Variants in CHRM3 observed in about 807,000 individuals in gnomAD.
The protein encoded by CHRM3 is cholinergic receptor muscarinic 3, also known as muscarinic acetylcholine receptor M3.
Under a neutral mutation model 41.8 loss-of-function variants are expected in CHRM3, and 11 were observed. The observed-to-expected ratio is 0.26, with a 90% CI of 0.17 to 0.44. The LOEUF (loss-of-function observed/expected upper bound fraction) is 0.44. CHRM3 is among the 20% of genes least tolerant of loss of function. CHRM3 has a pLI of 1.00. For missense variants in CHRM3, 571 were observed against 745.4 expected, an observed-to-expected ratio of 0.77 and a Z score of 2.72; for synonymous variants, 297 against 301.4, an observed-to-expected ratio of 0.99 and a Z score of 0.15.
chr1:239,508,077 G>C (rs1437928148), intron 2 of CHRM3, among the ~76,000 whole-genome samples: 1 of 152,150 alleles, frequency 6.6e-6, no homozygotes, highest in South Asian at 2.1e-4. Context: ...CACCAGACAA[G>C]CTTCTCCTTT....
intron 3 of CHRM3, among the ~76,000 whole-genome samples, chr1:239,585,249 T>C (rs1663291681): frequency 6.6e-6 from 1 of 152,062 alleles, no homozygotes; most frequent in Non-Finnish European, 1.5e-5. Context: ...TCCTTTCTCT[T>C]GTGATTATAA....
intron 6 of CHRM3, among the ~76,000 whole-genome samples, chr1:239,873,775 A>G (rs1676798474): frequency 6.6e-6 from 1 of 152,106 alleles, no homozygotes; most frequent in Non-Finnish European, 1.5e-5. Context: ...CCCTGCTGCC[A>G]TACTTGCCTC....
chr1:239,485,619 T>C (rs968895684), intron 1 of CHRM3, among the ~76,000 whole-genome samples: 3 of 152,192 alleles, frequency 2.0e-5, no homozygotes, highest in Non-Finnish European at 4.4e-5. Context: ...AGGTTTTCAC[T>C]TGAAATCTCC....
chr1:239,684,964 A>G (rs1658994508), intron 5 of CHRM3, among the ~76,000 whole-genome samples: 1 of 152,156 alleles, frequency 6.6e-6, no homozygotes, highest in Non-Finnish European at 1.5e-5. Flanking sequence ...TAAACAAAAC[A>G]GAAACAAAAA....
rs896981057 is a variant in CHRM3, at chr1:239,430,183, G to A, written c.-521+42956G>A. 1.8e-4 allele frequency among the ~76,000 whole-genome samples: 28 copies of A among 151,854 alleles called. 2 individuals are homozygous for A. In the Middle Eastern group the frequency reaches 0.01, roughly 56 times the overall value. ...GGGTTTCACCATCTTGGCCAGGATGGTCTTGAACTCCTGACCTCGTGATCC... is the reference window on the plus strand; with the variant it reads ...GGGTTTCACCATCTTGGCCAGGATGATCTTGAACTCCTGACCTCGTGATCC... On this transcript the variant is annotated intron_variant, in intron 1 of 6. Coordinates refer to ENST00000676153, the MANE Select transcript of CHRM3 (RefSeq NM_001375978.1).
chr1:239,793,179 T>C (rs1669486590), intron 5 of CHRM3, among the ~76,000 whole-genome samples: 1 of 152,268 alleles, frequency 6.6e-6, no homozygotes, highest in Non-Finnish European at 1.5e-5. Context: ...GTAGCCATTC[T>C]AAAAGGTGTT....
intron 4 of CHRM3, among the ~76,000 whole-genome samples, chr1:239,669,890 C>T (rs758908852): frequency 6.6e-6 from 1 of 152,164 alleles, no homozygotes; most frequent in South Asian, 2.1e-4. Context: ...ATGGCCAACT[C>T]GTTTCTTTTA....
chr1:239,453,307 T>C (rs958396388), intron 1 of CHRM3, among the ~76,000 whole-genome samples: 1 of 152,234 alleles, frequency 6.6e-6, no homozygotes, highest in Non-Finnish European at 1.5e-5. Context: ...TTACAATGTT[T>C]ATCTATGCAA....
intron 5 of CHRM3, among the ~76,000 whole-genome samples, chr1:239,709,546 C>G (rs576372489): frequency 3.9e-4 from 59 of 152,220 alleles, no homozygotes; most frequent in African/African-American, 1.4e-3. Context: ...ACAGTGCTGC[C>G]TGTGTGGCAG....
chr1:239,540,615 T>C (rs1485235454), intron 2 of CHRM3, among the ~76,000 whole-genome samples: 1 of 152,188 alleles, frequency 6.6e-6, no homozygotes, highest in Non-Finnish European at 1.5e-5. Flanking sequence ...CTCAAAGAAA[T>C]TGAGGAACTT....
chr1:239,883,861 C>G (rs189120209), intron 6 of CHRM3, among the ~76,000 whole-genome samples: 19 of 152,364 alleles, frequency 1.2e-4, no homozygotes, highest in African/African-American at 4.6e-4. Flanking sequence ...ATCCCCTACT[C>G]TAATCTCTTG....
intron 3 of CHRM3, among the ~76,000 whole-genome samples, chr1:239,602,704 A>G (rs1449666556): frequency 2.0e-5 from 3 of 152,226 alleles, no homozygotes. Context: ...TTGAATTATC[A>G]GAAATGTTGC....
intron 1 of CHRM3, among the ~76,000 whole-genome samples, chr1:239,471,439 G>T (rs1666114194): frequency 6.6e-6 from 1 of 152,162 alleles, no homozygotes; most frequent in South Asian, 2.1e-4. Flanking sequence ...CTGGTCCATT[G>T]TTCCCCATGG....
chr1:239,684,750 G>GA (rs71871816), intron 5 of CHRM3, among the ~76,000 whole-genome samples: 1 of 111,370 alleles, frequency 9.0e-6, no homozygotes, highest in Non-Finnish European at 2.1e-5. Flanking sequence ...GAAAGAAAGA[G>GA]AAAGAAAGAA....
chr1:239,662,884 T>C (rs6675216), intron 4 of CHRM3, among the ~76,000 whole-genome samples: 15 of 119,586 alleles, frequency 1.3e-4, no homozygotes, highest in African/African-American at 3.3e-4. Context: ...CTTTCTCCTC[T>C]TCCTCCTCCT....
At chr1:239,721,406 G>A (rs1662957663) in intron 5 of CHRM3, among the ~76,000 whole-genome samples, 1 of 151,782 alleles carries the variant, frequency 6.6e-6, no homozygotes, top group South Asian at 2.1e-4. Context: ...GAAAATGATA[G>A]GCATGGTATT....
chr1:239,634,406 G>GAAAGAAAGAAAGAAAGAAAGA (rs1558401977), intron 4 of CHRM3, among the ~76,000 whole-genome samples: 2 of 80,266 alleles, frequency 2.5e-5, no homozygotes, highest in Admixed American at 1.4e-4. Flanking sequence ...AGAAAGAAAG[G>GAAAGAAAGAAAGAAAGAAAGA]AAAGAAAGAA....
At chr1:239,722,603 C>A (rs959040746) in intron 5 of CHRM3, among the ~76,000 whole-genome samples, 1 of 151,854 alleles carries the variant, frequency 6.6e-6, no homozygotes. Context: ...CTGAGCAATA[C>A]AAATGCATTT....
intron 3 of CHRM3, among the ~76,000 whole-genome samples, chr1:239,576,272 C>G (rs1004044091): frequency 5.3e-5 from 8 of 151,596 alleles, no homozygotes; most frequent in Non-Finnish European, 1.5e-5. Context: ...ACTCCCTACC[C>G]ACCCCCATCC....
Sources: gnomAD v4.1 joint callset for allele counts (sites outside exome capture counted in the v4.1 genomes callset) on GRCh38, gnomAD v4.1.1 for gene constraint, MANE v1.5 for transcripts, NCBI Gene and HGNC (gene_info 2026-07-23, HGNC 2026-07-21) for gene names.